Variants in TMEM263 observed in about 807,000 individuals in gnomAD.
TMEM263 encodes the protein UPF0444 transmembrane protein C12orf23.
TMEM263 carries 5 observed loss-of-function variants against 8.6 expected under a neutral mutation model. That is an observed-to-expected ratio of 0.58 (90% CI 0.31 to 1.23). TMEM263 has a LOEUF of 1.23. Among genes scored for constraint, TMEM263 ranks in the 50% most tolerant of loss-of-function variants. The pLI, the probability that TMEM263 is intolerant of heterozygous loss-of-function variation, is 0.07. For synonymous variants in TMEM263, 50 were observed against 47.9 expected, an observed-to-expected ratio of 1.04 and a Z score of -0.18; for missense variants, 104 against 138.8, an observed-to-expected ratio of 0.75 and a Z score of 1.26.
In TMEM263 at chr12:106,971,517, T is replaced by C; in HGVS notation, c.*126T>C. The C allele has an allele frequency of 2.1e-6, 2 of 970,276 alleles. 1 individual carries two copies. Among genetic ancestry groups the C allele is most frequent in the South Asian group, 3.7e-5 (2 of 53,462 alleles). 60.1% of individuals were successfully genotyped at this position (970,276 alleles called of 1,614,324 possible). A position where few individuals can be genotyped will look rare whatever the true frequency, so the allele number is the denominator to read the frequency against. ...TTCTAAACTGCTGTGTTGAAAGTATTGATGACTGGCTTTCATCTAAAAAGA... is the reference window on the plus strand; with the variant it reads ...TTCTAAACTGCTGTGTTGAAAGTATCGATGACTGGCTTTCATCTAAAAAGA... On this transcript the variant is annotated 3_prime_UTR_variant, in exon 4 of 4. Coordinates refer to ENST00000280756, the MANE Select transcript of TMEM263 (RefSeq NM_152261.4).
intron 2 of TMEM263, among the ~76,000 whole-genome samples, chr12:106,962,016 T>C (rs2136762856): frequency 6.6e-6 from 1 of 152,348 alleles, no homozygotes; most frequent in South Asian, 2.1e-4. Context: ...TTCCAAGACT[T>C]GAAAATATGT....
chr12:106,969,911 TAG>T (rs771311448), intron 3 of TMEM263, among the ~76,000 whole-genome samples: 37 of 151,798 alleles, frequency 2.4e-4, no homozygotes, highest in Non-Finnish European at 5.0e-4. Flanking sequence ...ACTCATGACT[TAG>T]AGCTTAATTT....
At position 106,959,611 on chromosome 12, in the gene TMEM263, T is replaced by C. The variant is rs547397793; in HGVS notation, c.-7+2462T>C. On this transcript the variant is annotated intron_variant, in intron 2 of 3. Coordinates refer to ENST00000280756, the MANE Select transcript of TMEM263 (RefSeq NM_152261.4). ...AGTAGATTATTTACCTTTCAGAGTTTTAGATTGGGGTCTATTTATCTTCAC... is the reference window on the plus strand; with the variant it reads ...AGTAGATTATTTACCTTTCAGAGTTCTAGATTGGGGTCTATTTATCTTCAC... Among the ~76,000 whole-genome samples the C allele has an allele frequency of 2.0e-5, 3 of 152,328 alleles. 1 individual carries two copies. In the South Asian group the frequency reaches 6.2e-4, roughly 32 times the overall value.
chr12:106,963,502 T>A (rs1397094090), intron 2 of TMEM263, among the ~76,000 whole-genome samples: 1 of 152,196 alleles, frequency 6.6e-6, no homozygotes, highest in African/African-American at 2.4e-5. Context: ...GTCCAAAGCA[T>A]TTATTTAGAC....
At chr12:106,957,671 T>TTTAC (rs1288993774) in intron 2 of TMEM263, among the ~76,000 whole-genome samples, 1 of 152,198 alleles carries the variant, frequency 6.6e-6, no homozygotes, top group Admixed American at 6.5e-5. Flanking sequence ...GTGAAGATGG[T>TTTAC]TTACTGGTTC....
At chr12:106,957,345 A>G (rs765685257) in intron 2 of TMEM263, among the ~76,000 whole-genome samples, 196 bp downstream of exon 2, 2 of 152,256 alleles carry the variant, frequency 1.3e-5, no homozygotes, top group South Asian at 4.1e-4. Context: ...CAGATGTACC[A>G]GAAACCAAGT....
intron 2 of TMEM263, among the ~76,000 whole-genome samples, chr12:106,962,187 T>C (rs1366440354): frequency 6.6e-6 from 1 of 152,202 alleles, no homozygotes; most frequent in Non-Finnish European, 1.5e-5. Context: ...CATGCATGTG[T>C]ATGTAAAATG....
At chr12:106,961,838 C>G (rs1335423450) in intron 2 of TMEM263, among the ~76,000 whole-genome samples, 3 of 152,088 alleles carry the variant, frequency 2.0e-5, no homozygotes, top group Non-Finnish European at 4.4e-5. Flanking sequence ...GATTTCCTTA[C>G]CCAAGACATA....
At position 106,955,915 on chromosome 12, in the gene TMEM263, C is replaced by T. The variant is rs983670800; in HGVS notation, c.-225C>T. 7.1e-6 allele frequency: 7 copies of T among 985,600 alleles called. No individual in the cohort carries two copies. In the African/African-American group the frequency reaches 8.7e-5, roughly 12 times the overall value. The allele number at this position is 985,600 out of a possible 1,614,324, so 61.1% of individuals were successfully genotyped here. ...CCTCCACCACCGCCGCCACAGTCTTCCAGCTCCACATCCTGAGAGGACGCC... is the reference window on the plus strand; with the variant it reads ...CCTCCACCACCGCCGCCACAGTCTTTCAGCTCCACATCCTGAGAGGACGCC... On this transcript the variant is annotated 5_prime_UTR_variant, in exon 1 of 4. Transcript: ENST00000280756.
At chr12:106,960,235 A>C (rs1296569145) in intron 2 of TMEM263, among the ~76,000 whole-genome samples, 1 of 151,602 alleles carries the variant, frequency 6.6e-6, no homozygotes, top group Non-Finnish European at 1.5e-5. Flanking sequence ...GGGTTTCACC[A>C]TGTTGGCCAG....
chr12:106,965,340 C>CT (rs1175002789), intron 2 of TMEM263, among the ~76,000 whole-genome samples: 6 of 152,184 alleles, frequency 3.9e-5, no homozygotes, highest in African/African-American at 1.4e-4. Context: ...GGCGCAGTGG[C>CT]TTATGCCTGT....
chr12:106,973,163 T>C lies in TMEM263; in HGVS notation c.*1772T>C, dbSNP rs1951948523. The C allele has an allele frequency of 6.6e-6, 1 of 152,086 alleles. No homozygotes were observed. Among genetic ancestry groups the C allele is most frequent in the Non-Finnish European group, 1.5e-5 (1 of 67,968 alleles). 9.4% of individuals were successfully genotyped at this position (152,086 alleles called of 1,614,324 possible). The stretch of plus-strand genomic sequence containing the variant: ...GGAGTTCAACTAATCAGGAATTAAA[T>C]GGTCATTTATTTCATGCAGTATGAT... On this transcript the variant is annotated 3_prime_UTR_variant, in exon 4 of 4. Coordinates refer to ENST00000280756, the MANE Select transcript of TMEM263 (RefSeq NM_152261.4).
At chr12:106,957,809 ACCTTTTCTT>A (rs1487120265) in intron 2 of TMEM263, among the ~76,000 whole-genome samples, 1 of 152,198 alleles carries the variant, frequency 6.6e-6, no homozygotes, top group East Asian at 1.9e-4. Context: ...CTGGCAGATG[ACCTTTTCTT>A]CCTTGCTAGA....
rs1298659388 is a variant in TMEM263, at chr12:106,955,927, C to T, written c.-213C>T. On this transcript the variant is annotated 5_prime_UTR_variant, in exon 1 of 4. Transcript: ENST00000280756. Reference sequence around the variant, plus strand: ...CCGCCACAGTCTTCCAGCTCCACATCCTGAGAGGACGCCTCTGGAGCCGCG... The same window carrying T: ...CCGCCACAGTCTTCCAGCTCCACATTCTGAGAGGACGCCTCTGGAGCCGCG... 3.0e-6 allele frequency: 3 copies of T among 985,818 alleles called. No individual in the cohort carries two copies. The highest frequency in any genetic ancestry group is 9.4e-5 in the South Asian group (2 of 21,296). 61.1% of individuals were successfully genotyped at this position (985,818 alleles called of 1,614,324 possible). A position where few individuals can be genotyped will look rare whatever the true frequency, so the allele number is the denominator to read the frequency against.
intron 2 of TMEM263, among the ~76,000 whole-genome samples, chr12:106,964,047 A>G (rs1160843691): frequency 6.6e-6 from 1 of 152,136 alleles, no homozygotes; most frequent in Non-Finnish European, 1.5e-5. Context: ...ATTTGTGTCT[A>G]TGTGTATGGT....
At chr12:106,964,190 A>G (rs1951815708) in intron 2 of TMEM263, among the ~76,000 whole-genome samples, 1 of 152,230 alleles carries the variant, frequency 6.6e-6, no homozygotes, top group South Asian at 2.1e-4. Context: ...CACATATTCT[A>G]CCAGGAATTT....
intron 2 of TMEM263, among the ~76,000 whole-genome samples, chr12:106,961,760 A>G (rs1156541079): frequency 6.6e-6 from 1 of 152,244 alleles, no homozygotes; most frequent in Non-Finnish European, 1.5e-5. Flanking sequence ...TAAGTGTTGT[A>G]GTGGGTAATG....
chr12:106,971,188 G>C lies in TMEM263; in HGVS notation c.148G>C (p.Val50Leu), dbSNP rs1269689178. The C allele has an allele frequency of 6.2e-7, 1 of 1,614,248 alleles. No individual in the cohort carries two copies. The highest frequency in any genetic ancestry group is 1.3e-5 in the African/African-American group (1 of 75,058). The change falls in exon 4 of 4, where the codon GTT (valine) becomes CTT (leucine). Residue 50 changes from valine to leucine, a missense_variant. By Grantham distance (32) the Val-to-Leu change is conservative (BLOSUM62 1). Coordinates refer to ENST00000280756, the MANE Select transcript of TMEM263 (RefSeq NM_152261.4). ...TATCTTCAGTGTTACAAAGGGAGCT[G>C]TTGGTGCCACCATTGGTGGTGTGGC... ...GGIFSVTKGAVGATIGGVAWI... is the reference protein window; with the variant it reads ...GGIFSVTKGALGATIGGVAWI...
chr12:106,966,947 C>T (rs972620377), intron 2 of TMEM263, 164 bp from the exon 3 acceptor site: 44 of 568,930 alleles, frequency 7.7e-5, no homozygotes, highest in Middle Eastern at 4.6e-4. Context: ...TATTAAATGC[C>T]GCAGTTTGAA....
Sources: gnomAD v4.1 joint callset for allele counts (sites outside exome capture counted in the v4.1 genomes callset) on GRCh38, gnomAD v4.1.1 for gene constraint, MANE v1.5 for transcripts, NCBI Gene and HGNC (gene_info 2026-07-23, HGNC 2026-07-21) for gene names.